The following SLC4A10 variants were observed in gnomAD, a reference collection of about 807,000 sequenced individuals.
The protein encoded by SLC4A10 is solute carrier family 4 member 10.
Under a neutral mutation model 137.7 loss-of-function variants are expected in SLC4A10, and 42 were observed. That is an observed-to-expected ratio of 0.30 (90% CI 0.24 to 0.39). The LOEUF is 0.39. Ranked by LOEUF, SLC4A10 falls within the 10% of genes least tolerant of loss-of-function variation. The pLI, the probability that SLC4A10 is intolerant of heterozygous loss-of-function variation, is 1.00. For synonymous variants in SLC4A10, 474 were observed against 464.1 expected (o/e 1.02, Z -0.27); for missense variants, 925 against 1,355.0 (o/e 0.68, Z 4.98).
At chr2:161,760,675 G>A (rs35304298) in intron 1 of SLC4A10, among the ~76,000 whole-genome samples, 2 of 151,932 alleles carry the variant, frequency 1.3e-5, no homozygotes, top group African/African-American at 4.8e-5. Context: ...GTCTCTTTCA[G>A]TGGAGCCTTT....
intron 1 of SLC4A10, among the ~76,000 whole-genome samples, chr2:161,722,585 T>A (rs527264132): frequency 9.8e-5 from 15 of 152,318 alleles, no homozygotes; most frequent in Admixed American, 1.3e-4. Flanking sequence ...AACCTGATGC[T>A]GGCCAGAATG....
At chr2:161,940,563 G>C (rs1307054533) in intron 15 of SLC4A10, among the ~76,000 whole-genome samples, 1 of 152,212 alleles carries the variant, frequency 6.6e-6, no homozygotes, top group Non-Finnish European at 1.5e-5. Flanking sequence ...CCGCGCGTCA[G>C]AGATTTTCCC....
At chr2:161,817,977 C>T (rs1370235198) in intron 3 of SLC4A10, among the ~76,000 whole-genome samples, 1 of 151,472 alleles carries the variant, frequency 6.6e-6, no homozygotes, top group Non-Finnish European at 1.5e-5. Context: ...TTTTTTGGTT[C>T]CATATGAACT....
At chr2:161,957,806 A>G (rs186112369) in intron 20 of SLC4A10, among the ~76,000 whole-genome samples, 25 of 152,282 alleles carry the variant, frequency 1.6e-4, no homozygotes, top group Non-Finnish European at 2.4e-4. Flanking sequence ...TTATTTTGTC[A>G]TGTAATTTTG....
At chr2:161,917,414 T>C (rs1687310143) in intron 15 of SLC4A10, among the ~76,000 whole-genome samples, 1 of 151,888 alleles carries the variant, frequency 6.6e-6, no homozygotes, top group African/African-American at 2.4e-5. Context: ...TGTAGATAGT[T>C]AGATAGTTGT....
chr2:161,967,443 G>A (rs751253999), intron 23 of SLC4A10, among the ~76,000 whole-genome samples: 1 of 152,118 alleles, frequency 6.6e-6, no homozygotes, highest in Non-Finnish European at 1.5e-5. Context: ...TCAAGTATAC[G>A]ATAATCACAC....
intron 3 of SLC4A10, among the ~76,000 whole-genome samples, chr2:161,832,711 A>G (rs958293377): frequency 6.6e-6 from 1 of 151,372 alleles, no homozygotes; most frequent in African/African-American, 2.4e-5. Flanking sequence ...ACAAGTTTGC[A>G]TTTTCTTTTT....
At chr2:161,928,541 G>T (rs1224844339) in intron 15 of SLC4A10, among the ~76,000 whole-genome samples, 3 of 143,390 alleles carry the variant, frequency 2.1e-5, no homozygotes, top group Admixed American at 7.1e-5. Context: ...AATAAAAAAA[G>T]TATAATATAT....
At chr2:161,875,472 T>C (rs539842216) in intron 8 of SLC4A10, among the ~76,000 whole-genome samples, 2 of 152,312 alleles carry the variant, frequency 1.3e-5, no homozygotes, top group African/African-American at 4.8e-5. Flanking sequence ...ACCTACATAT[T>C]TGTAACCCTT....
chr2:161,708,993 T>C (rs183814381), intron 1 of SLC4A10, among the ~76,000 whole-genome samples: 1 of 151,312 alleles, frequency 6.6e-6, no homozygotes, highest in Non-Finnish European at 1.5e-5. Context: ...ATATGATTAT[T>C]AGAAATGTGT....
intron 15 of SLC4A10, among the ~76,000 whole-genome samples, chr2:161,926,116 T>C (rs1347525973): frequency 6.6e-6 from 1 of 152,082 alleles, no homozygotes; most frequent in Non-Finnish European, 1.5e-5. Context: ...TTGTCAACTT[T>C]CTGTCTCGTT....
At chr2:161,882,471 T>C in intron 10 of SLC4A10, 27 bp downstream of exon 10, 1 of 1,478,142 alleles carries the variant, frequency 6.8e-7, no homozygotes, top group Non-Finnish European at 9.2e-7. Flanking sequence ...TTTGGGAACA[T>C]TTTCCCCCAT....
In SLC4A10 at chr2:161,839,865, C is replaced by T. The variant is rs2059073115; in HGVS notation, c.354C>T (p.Phe118=). 1 of 1,613,796 alleles carries T rather than the reference C, an allele frequency of 6.2e-7. No homozygotes were observed. Among genetic ancestry groups the T allele is most frequent in the Admixed American group, 1.7e-5 (1 of 59,986 alleles). ...AGGAACACATTCCTCATGACCTTTT[C>T]ACAGAACTGGATGAGATTTGTTGGC... ...DDEEHIPHDL[F]TELDEICWRE... Residue 118 remains phenylalanine, a synonymous_variant, in exon 4 of 27, where the codon TTC becomes TTT. Transcript: ENST00000446997.
chr2:161,946,460 G>C (rs2105790525), intron 16 of SLC4A10, among the ~76,000 whole-genome samples: 1 of 152,056 alleles, frequency 6.6e-6, no homozygotes, highest in Middle Eastern at 3.4e-3. Context: ...CTGTGTTTGT[G>C]ATCAATCTAT....
intron 4 of SLC4A10, among the ~76,000 whole-genome samples, chr2:161,843,643 GC>G (rs1330021266): frequency 6.6e-6 from 1 of 152,102 alleles, no homozygotes. Flanking sequence ...TGTTCTGATT[GC>G]CCTAATTCAT....
At chr2:161,869,912 A>G (rs935949439) in intron 6 of SLC4A10, among the ~76,000 whole-genome samples, 66 of 151,604 alleles carry the variant, frequency 4.4e-4, no homozygotes, top group African/African-American at 1.6e-3. Context: ...ATTAGCATAC[A>G]TTCTATACAC....
At chr2:161,818,647 A>G (rs371255530) in intron 3 of SLC4A10, among the ~76,000 whole-genome samples, 3 of 152,156 alleles carry the variant, frequency 2.0e-5, no homozygotes, top group South Asian at 4.1e-4. Context: ...TTTGAGATAC[A>G]TCCCATCAAT....
intron 20 of SLC4A10, among the ~76,000 whole-genome samples, chr2:161,958,247 C>G (rs992090003): frequency 4.6e-5 from 7 of 151,750 alleles, no homozygotes; most frequent in African/African-American, 9.7e-5. Context: ...TTATAACAAC[C>G]CTATTGTTAT....
At chr2:161,728,086 C>A (rs1266599120) in intron 1 of SLC4A10, among the ~76,000 whole-genome samples, 1 of 152,062 alleles carries the variant, frequency 6.6e-6, no homozygotes, top group Non-Finnish European at 1.5e-5. Context: ...TTACTATAGA[C>A]TCTCCAGACA....
Sources: allele counts gnomAD v4.1 joint callset (sites outside exome capture counted in the v4.1 genomes callset), GRCh38; gene constraint gnomAD v4.1.1; transcripts MANE v1.5; gene names NCBI Gene and HGNC (gene_info 2026-07-23, HGNC 2026-07-21).